The following CAPRIN1 variants were observed in gnomAD, a reference collection of about 807,000 sequenced individuals.
CAPRIN1 encodes cell cycle associated protein 1.
In CAPRIN1, 29 loss-of-function variants were observed where a neutral mutation model predicts 100.9. The observed-to-expected ratio is 0.29, with a 90% CI of 0.21 to 0.39. The LOEUF (loss-of-function observed/expected upper bound fraction) is 0.39, where lower values mean the gene tolerates loss of function less well. CAPRIN1 is among the 10% of genes least tolerant of loss of function. The pLI, the probability that CAPRIN1 is intolerant of heterozygous loss-of-function variation, is 1.00. For missense variants in CAPRIN1, 795 were observed against 876.7 expected (o/e 0.91, Z 1.18); for synonymous variants, 338 against 307.5 (o/e 1.10, Z -1.04).
chr11:34,081,209 T>C (rs1281582099), intron 7 of CAPRIN1, among the ~76,000 whole-genome samples: 1 of 151,466 alleles, frequency 6.6e-6, no homozygotes, highest in East Asian at 1.9e-4. Flanking sequence ...TTGAATTCTT[T>C]TTTTTTTTTT....
intron 2 of CAPRIN1, among the ~76,000 whole-genome samples, chr11:34,059,270 GTTT>G (rs776890676): frequency 2.2e-5 from 3 of 137,480 alleles, no homozygotes; most frequent in African/African-American, 2.7e-5. Context: ...TCTTGACATT[GTTT>G]TTTTTTTTTT....
chr11:34,053,495 G>A (rs1353526158), intron 2 of CAPRIN1: 3 of 152,628 alleles, frequency 2.0e-5, no homozygotes, highest in African/African-American at 7.3e-5. Flanking sequence ...GCGGGGAGAG[G>A]GAAGCGCTTT....
At chr11:34,076,735 AG>A in intron 6 of CAPRIN1, 93 bp downstream of exon 6, 3 of 774,950 alleles carry the variant, frequency 3.9e-6, no homozygotes, top group Non-Finnish European at 6.2e-6. Flanking sequence ...GAAAAAAATT[AG>A]TTTTTTTTTT....
At chr11:34,087,263 A>G (rs1285296828) in intron 11 of CAPRIN1, among the ~76,000 whole-genome samples, 1 of 152,086 alleles carries the variant, frequency 6.6e-6, no homozygotes, top group African/African-American at 2.4e-5. Context: ...AGTATGTTTA[A>G]TGACAGTTAA....
intron 2 of CAPRIN1, among the ~76,000 whole-genome samples, chr11:34,058,550 G>T (rs1315165163): frequency 6.6e-6 from 1 of 152,154 alleles, no homozygotes; most frequent in Non-Finnish European, 1.5e-5. Context: ...CAAATCCTTA[G>T]AGTTTTTCTG....
chr11:34,092,289 A>G (rs1232369218), intron 15 of CAPRIN1, among the ~76,000 whole-genome samples: 2 of 151,964 alleles, frequency 1.3e-5, no homozygotes, highest in Non-Finnish European at 2.9e-5. Flanking sequence ...CTGAACTTAC[A>G]TAATATCCCT....
chr11:34,089,450 G>A lies in CAPRIN1; in HGVS notation c.1287G>A (p.Ala429=), dbSNP rs758345133. The A allele has an allele frequency of 1.5e-5, 24 of 1,596,940 alleles. No homozygotes were observed. The highest frequency in any genetic ancestry group is 2.2e-5 in the South Asian group (2 of 90,696). The change falls in exon 12 of 19, where the codon GCG becomes GCA. Residue 429 remains alanine, a synonymous_variant. Transcript: ENST00000341394. The stretch of plus-strand genomic sequence containing the variant: ...ATCAAGTTCCTGTACAACCAGAAGC[G>A]ACACAGGTAAGAGTGATAAAACTAT... ...QPNQVPVQPE[A]TQVPLVSSTS...
chr11:34,065,816 GA>G (rs1231938094), intron 2 of CAPRIN1, among the ~76,000 whole-genome samples: 1 of 152,164 alleles, frequency 6.6e-6, no homozygotes, highest in East Asian at 1.9e-4. Flanking sequence ...CTGTTTCTTA[GA>G]AACTTTGATC....
chr11:34,052,786 A>C lies in CAPRIN1; in HGVS notation c.216+150A>C, dbSNP rs1013354273. The stretch of plus-strand genomic sequence containing the variant: ...CCCCTGGCCCACACGCCCCGTCTCC[A>C]CGTTCAGCGGGAGCTTCGTGCCCAG... On this transcript the variant is annotated intron_variant, in intron 2 of 18. Transcript: ENST00000341394. 4.2e-6 allele frequency: 6 copies of C among 1,431,798 alleles called. No homozygotes were observed. The African/African-American group carries it at 7.3e-5, about 17-fold the overall frequency. The allele number at this position is 1,431,798 out of a possible 1,614,324, so 88.7% of individuals were successfully genotyped here. A position where few individuals can be genotyped will look rare whatever the true frequency, so the allele number is the denominator to read the frequency against.
chr11:34,089,506 C>G (rs538414035), intron 12 of CAPRIN1, 50 bp downstream of exon 12: 9 of 1,067,156 alleles, frequency 8.4e-6, no homozygotes, highest in South Asian at 2.6e-5. Flanking sequence ...GTGGCTCGTA[C>G]CTATAATCCT....
intron 2 of CAPRIN1, among the ~76,000 whole-genome samples, chr11:34,068,297 C>T (rs1292670228): frequency 6.6e-6 from 1 of 152,194 alleles, no homozygotes; most frequent in East Asian, 1.9e-4. Context: ...AGATAGATTG[C>T]TTTTATGACT....
rs777743108 is a variant in CAPRIN1 at position 34,092,084 on chromosome 11, C to T, written c.1705+28C>T. ...ACGAAATCCAGTGTCACCTCATTGG[C>T]TCCTTGCTTTCCAGCACAGTTATTG... On this transcript the variant is annotated intron_variant, in intron 15 of 18. Coordinates refer to ENST00000341394, the MANE Select transcript of CAPRIN1 (RefSeq NM_005898.5). 12 of 1,607,174 alleles carry T rather than the reference C, an allele frequency of 7.5e-6. No homozygotes were observed. The Admixed American group carries it at 1.7e-4, about 23-fold the overall frequency.
chr11:34,095,401 C>G (rs1851351182), intron 15 of CAPRIN1, among the ~76,000 whole-genome samples: 1 of 152,216 alleles, frequency 6.6e-6, no homozygotes, highest in Non-Finnish European at 1.5e-5. Flanking sequence ...AAAGATGACA[C>G]CGATGTAGTT....
At chr11:34,089,606 T>TA (rs1018927307) in intron 12 of CAPRIN1, 150 bp downstream of exon 12, 9 of 375,336 alleles carry the variant, frequency 2.4e-5, no homozygotes, top group East Asian at 4.0e-5. Context: ...ATCTCTATTT[T>TA]AAAAAAATAA....
intron 6 of CAPRIN1, among the ~76,000 whole-genome samples, chr11:34,079,289 A>G (rs1045495439): frequency 1.1e-4 from 16 of 152,118 alleles, no homozygotes; most frequent in African/African-American, 3.9e-4. Flanking sequence ...AATCTCAGCT[A>G]CTTGGGTGGC....
chr11:34,099,353 C>G lies in CAPRIN1; in HGVS notation c.2116C>G (p.Gln706Glu). The G allele has an allele frequency of 6.2e-7, 1 of 1,613,566 alleles. No homozygotes were observed. The highest frequency in any genetic ancestry group is 8.5e-7 in the Non-Finnish European group (1 of 1,179,576). Residue 706 changes from glutamine (Q) to glutamate (E), a missense_variant, in exon 19 of 19, where the codon CAG (glutamine) becomes GAG (glutamate). This residue lies in a region of CAPRIN1 where 648 missense variants were observed against 697.9 expected (regional missense o/e 0.93). Transcript: ENST00000341394. ...CAGAGGGATGCCGCAAATGAACACT[C>G]AGCAAGTGAATTAATCTGATTCACA... ...PNRGMPQMNT[Q>E]QVN is the part of the protein sequence containing the mutation.
intron 15 of CAPRIN1, among the ~76,000 whole-genome samples, chr11:34,093,486 T>C (rs901661398): frequency 6.6e-6 from 1 of 152,212 alleles, no homozygotes; most frequent in Non-Finnish European, 1.5e-5. Flanking sequence ...GTTAATACTT[T>C]CATTTTGTCA....
Position 34,079,737 on chromosome 11 carries a change from T to A in CAPRIN1, c.798T>A (p.Pro266=). The change falls in exon 7 of 19, where the codon CCT becomes CCA. Residue 266 remains proline (P), a synonymous_variant. Transcript: ENST00000341394. ...LCEEEEAASA[P]AVEDQVPEAE... Reference sequence around the variant, plus strand: ...AGGAAGAAGAGGCAGCCTCAGCACCTGCAGTTGAAGACCAGGTACCTGAAG... The same window carrying A: ...AGGAAGAAGAGGCAGCCTCAGCACCAGCAGTTGAAGACCAGGTACCTGAAG... The A allele has an allele frequency of 6.2e-7, 1 of 1,614,136 alleles. No homozygotes were observed. Among genetic ancestry groups the A allele is most frequent in the Non-Finnish European group, 8.5e-7 (1 of 1,179,996 alleles).
intron 7 of CAPRIN1, among the ~76,000 whole-genome samples, chr11:34,081,259 G>C (rs1175336771): frequency 6.6e-6 from 1 of 150,472 alleles, no homozygotes; most frequent in African/African-American, 2.5e-5. Context: ...GGAGTGCAGT[G>C]GTGTGATCCT....
Sources: gnomAD v4.1 joint callset for allele counts (sites outside exome capture counted in the v4.1 genomes callset) on GRCh38, gnomAD v4.1.1 for gene constraint, gnomAD v4.1.1 regional missense constraint, MANE v1.5 for transcripts, NCBI Gene and HGNC (gene_info 2026-07-23, HGNC 2026-07-21) for gene names.